MRTFB: variants seen among roughly 807,000 people sequenced by gnomAD.
The protein encoded by MRTFB is myocardin related transcription factor B.
MRTFB carries 29 observed loss-of-function variants against 104.2 expected under a neutral mutation model. The ratio of observed to expected loss-of-function variants is 0.28; its 90% CI spans 0.21 to 0.38. MRTFB has a LOEUF of 0.38. Among genes scored for constraint, MRTFB ranks in the 10% least tolerant of loss-of-function variants. MRTFB has a pLI of 1.00. For synonymous variants in MRTFB, 535 were observed against 519.5 expected (o/e 1.03, Z -0.41); for missense variants, 1,270 against 1,341.6 (o/e 0.95, Z 0.83).
At chr16:14,149,731 T>G (rs907151405) in intron 3 of MRTFB, among the ~76,000 whole-genome samples, 3 of 152,244 alleles carry the variant, frequency 2.0e-5, no homozygotes, top group Non-Finnish European at 4.4e-5. Context: ...AAGTTCATGA[T>G]GTAGTATATT....
At position 14,240,524 on chromosome 16, in the gene MRTFB, T is replaced by G. The variant is rs184353556; in HGVS notation, c.1079+40T>G. On this transcript the variant is annotated intron_variant, in intron 10 of 16. Coordinates refer to ENST00000571589, the MANE Select transcript of MRTFB (RefSeq NM_001308142.2). The stretch of plus-strand genomic sequence containing the variant: ...ATGCTATCCTCAACGCGGGGTTTTC[T>G]GTGGTTTTTTATGAGGAACTATAAG... The G allele has an allele frequency of 9.3e-6, 15 of 1,614,208 alleles. No homozygotes were observed. In the African/African-American group the frequency reaches 1.3e-4, roughly 14 times the overall value.
intron 3 of MRTFB, among the ~76,000 whole-genome samples, chr16:14,162,152 C>CAAAA (rs376183467): frequency 0.048 from 3,028 of 62,502 alleles, 116 homozygotes; most frequent in East Asian, 0.32. Context: ...CCTGTCTCTA[C>CAAAA]AAAAAAAAAA....
intron 8 of MRTFB, among the ~76,000 whole-genome samples, chr16:14,228,270 T>C (rs973583996): frequency 6.6e-6 from 1 of 152,192 alleles, no homozygotes; most frequent in African/African-American, 2.4e-5. Context: ...ATTCCACTTC[T>C]GGGTATATGC....
At chr16:14,004,032 T>A in the MRTFB span, among the ~76,000 whole-genome samples, 1 of 151,990 alleles carries the variant, frequency 6.6e-6, no homozygotes, top group Non-Finnish European at 1.5e-5. Flanking sequence ...CAGTTGCATT[T>A]GAGGGTTCGT....
At chr16:14,214,585 G>A (rs1419400606) in intron 6 of MRTFB, among the ~76,000 whole-genome samples, 1 of 152,138 alleles carries the variant, frequency 6.6e-6, no homozygotes, top group East Asian at 1.9e-4. Context: ...TCCTTCATTG[G>A]CCAGTGTGCT....
intron 2 of MRTFB, among the ~76,000 whole-genome samples, chr16:14,099,600 C>T (rs1175699925): frequency 6.6e-5 from 10 of 151,194 alleles, no homozygotes; most frequent in Admixed American, 6.6e-4. Context: ...CTATCTACCT[C>T]GGCCTTCCAA....
Position 14,113,294 on chromosome 16 carries a change from T to C in MRTFB, c.-63-27250T>C, listed in dbSNP as rs1237133878. Reference sequence around the variant, plus strand: ...CCTGACCTCAGGTGATCCACCCGCCTTGGCCTCCCAGAGTGCTGGGATTAC... The same window carrying C: ...CCTGACCTCAGGTGATCCACCCGCCCTGGCCTCCCAGAGTGCTGGGATTAC... On this transcript the variant is annotated intron_variant, in intron 2 of 16. Coordinates refer to ENST00000571589, the MANE Select transcript of MRTFB (RefSeq NM_001308142.2). 3.1e-4 allele frequency among the ~76,000 whole-genome samples: 47 copies of C among 152,268 alleles called. 1 individual carries two copies. Among genetic ancestry groups the C allele is most frequent in the Admixed American group, 3.1e-3 (47 of 15,286 alleles).
the MRTFB span, among the ~76,000 whole-genome samples, chr16:14,042,514 C>G: frequency 6.6e-6 from 1 of 152,170 alleles, no homozygotes. Context: ...CATCTGTAGG[C>G]AATCTCACTT....
At chr16:14,238,452 T>C (rs2042620102) in intron 9 of MRTFB, among the ~76,000 whole-genome samples, 1 of 152,062 alleles carries the variant, frequency 6.6e-6, no homozygotes, top group Admixed American at 6.5e-5. Context: ...ATTGTTGTAG[T>C]TGGCATCCTG....
intron 7 of MRTFB, among the ~76,000 whole-genome samples, chr16:14,218,048 C>T (rs767665567): frequency 6.6e-6 from 1 of 152,014 alleles, no homozygotes; most frequent in Non-Finnish European, 1.5e-5. Flanking sequence ...CTCCTTGTCA[C>T]GTTTTTTTGT....
At chr16:14,065,108 T>G in the MRTFB span, among the ~76,000 whole-genome samples, 1 of 152,194 alleles carries the variant, frequency 6.6e-6, no homozygotes, top group Non-Finnish European at 1.5e-5. Flanking sequence ...TGTTTTTCCA[T>G]TTGTTTGTGT....
At position 14,264,454 on chromosome 16, in the gene MRTFB, A is replaced by G. The variant is rs1272088017; in HGVS notation, c.*3010A>G. On this transcript the variant is annotated 3_prime_UTR_variant, in exon 17 of 17. Transcript: ENST00000571589. ...CATCCACTAGGAAACCTCATAGGAC[A>G]GTGTTAGTGGTTCACGTTCTAGTGT... The G allele has an allele frequency of 6.6e-6, 1 of 152,214 alleles. No individual in the cohort carries two copies. The highest frequency in any genetic ancestry group is 1.5e-5 in the Non-Finnish European group (1 of 68,042). The allele number at this position is 152,214 out of a possible 1,614,324, so 9.4% of individuals were successfully genotyped here. A position where few individuals can be genotyped will look rare whatever the true frequency, so the allele number is the denominator to read the frequency against.
intron 3 of MRTFB, among the ~76,000 whole-genome samples, chr16:14,166,465 C>T (rs1438398721): frequency 6.6e-6 from 1 of 152,100 alleles, no homozygotes; most frequent in Non-Finnish European, 1.5e-5. Flanking sequence ...TAGTGAACAT[C>T]CTTATGTGAA....
chr16:14,234,768 T>G (rs1305039147), intron 9 of MRTFB, among the ~76,000 whole-genome samples: 1 of 152,038 alleles, frequency 6.6e-6, no homozygotes, highest in Non-Finnish European at 1.5e-5. Context: ...GCACTCTAGC[T>G]TGGGTGACAG....
the MRTFB span, among the ~76,000 whole-genome samples, chr16:14,055,352 A>C: frequency 6.6e-6 from 1 of 152,216 alleles, no homozygotes. Context: ...ACTCCGTCTC[A>C]AAAGAAGAAG....
At chr16:14,017,618 T>C in the MRTFB span, among the ~76,000 whole-genome samples, 2 of 94,250 alleles carry the variant, frequency 2.1e-5, no homozygotes, top group Non-Finnish European at 3.9e-5. Context: ...TATATATATA[T>C]ATATATATAT....
rs145636727 is a variant in MRTFB at position 14,240,255 on chromosome 16, C to A, written c.850C>A (p.Pro284Thr). 56 of 1,599,722 alleles carry A rather than the reference C, an allele frequency of 3.5e-5. No individual in the cohort carries two copies. The highest frequency in any genetic ancestry group is 3.7e-5 in the Non-Finnish European group (43 of 1,173,956). The change falls in exon 10 of 17, where the codon CCA becomes ACA. Residue 284 changes from proline (P) to threonine (T), a missense_variant. Transcript: ENST00000571589. ...AAAATAGCAAAGCCATCCCAAGAAT[C>A]CAAATGACAAACACCGTAGCAAAAA... Reference protein sequence around the residue: ...ALVKQSHPKNPNDKHRSKKCK... With the variant: ...ALVKQSHPKNTNDKHRSKKCK...
intron 2 of MRTFB, among the ~76,000 whole-genome samples, chr16:14,132,269 G>C (rs1283420350): frequency 6.6e-6 from 1 of 151,826 alleles, no homozygotes; most frequent in African/African-American, 2.4e-5. Context: ...GCCAGGGTCT[G>C]AGGGAGAGAT....
the MRTFB span, among the ~76,000 whole-genome samples, chr16:14,016,905 C>T: frequency 1.3e-5 from 2 of 151,914 alleles, no homozygotes; most frequent in Admixed American, 6.6e-5. Flanking sequence ...ACATTCCCTT[C>T]ATCATAAGCA....
Sources: gnomAD v4.1 joint callset for allele counts (sites outside exome capture counted in the v4.1 genomes callset) on GRCh38, gnomAD v4.1.1 for gene constraint, MANE v1.5 for transcripts, NCBI Gene and HGNC (gene_info 2026-07-23, HGNC 2026-07-21) for gene names.